The following DSC3 variants were observed in gnomAD, a reference collection of about 807,000 sequenced individuals.
DSC3 encodes the protein desmocollin 3, also known as desmocollin-3.
In DSC3, 97 loss-of-function variants were observed where a neutral mutation model predicts 89.5. That is an observed-to-expected ratio of 1.08 (90% CI 0.92 to 1.28). The LOEUF (loss-of-function observed/expected upper bound fraction) is 1.28. Among genes scored for constraint, DSC3 ranks in the 50% most tolerant of loss-of-function variants. DSC3 has a pLI of 0.00. For synonymous variants in DSC3, 436 were observed against 384.1 expected, an observed-to-expected ratio of 1.14 and a Z score of -1.58; for missense variants, 1,199 against 1,085.3, an observed-to-expected ratio of 1.10 and a Z score of -1.47.
chr18:31,004,063 A>C, intron 13 of DSC3, 79 bp downstream of exon 13: 1 of 1,126,770 alleles, frequency 8.9e-7, no homozygotes, highest in Non-Finnish European at 1.3e-6. Context: ...TGCTTGGACG[A>C]GATTATTTTT....
intron 14 of DSC3, among the ~76,000 whole-genome samples, chr18:30,999,688 C>T (rs1007031353): frequency 2.6e-5 from 4 of 152,130 alleles, no homozygotes; most frequent in African/African-American, 9.7e-5. Context: ...TTATCCATGT[C>T]AATAATTTCT....
chr18:31,007,225 T>A, intron 11 of DSC3, 94 bp from the exon 12 acceptor site: 1 of 828,526 alleles, frequency 1.2e-6, no homozygotes, highest in East Asian at 2.7e-5. Flanking sequence ...ACATGATCTG[T>A]TTTTAAATAA....
intron 6 of DSC3, among the ~76,000 whole-genome samples, chr18:31,023,529 G>A (rs922258035): frequency 3.9e-5 from 6 of 151,966 alleles, no homozygotes; most frequent in Non-Finnish European, 5.9e-5. Flanking sequence ...ATTGTACCAC[G>A]TGAGTAATAA....
At chr18:30,994,563 A>G (rs1359212192) in intron 15 of DSC3, 191 bp from the exon 16 acceptor site, 13 of 1,267,330 alleles carry the variant, frequency 1.0e-5, no homozygotes, top group Admixed American at 1.8e-5. Flanking sequence ...TATAGTTTAC[A>G]TTTCTAGTGC....
At chr18:31,021,995 A>G (rs74843312) in intron 7 of DSC3, among the ~76,000 whole-genome samples, 2,561 of 152,198 alleles carry the variant, frequency 0.017, 85 homozygotes, top group African/African-American at 0.058. Context: ...GGCATGATCC[A>G]CACTCATAGA....
Position 30,989,517 on chromosome 18 carries a change from C to A in DSC3, c.*4658G>T, listed in dbSNP as rs1032091011. Among the ~76,000 whole-genome samples, 1 of 152,076 alleles carries A rather than the reference C, an allele frequency of 6.6e-6. No homozygotes were observed. The highest frequency in any genetic ancestry group is 1.5e-5 in the Non-Finnish European group (1 of 68,020). Reference sequence around the variant, plus strand: ...TTGGGGTGATGAAAATGTTCCAGAACTAGATAGTGGTAACAGTTTCACAAC... The same window carrying A: ...TTGGGGTGATGAAAATGTTCCAGAAATAGATAGTGGTAACAGTTTCACAAC... On this transcript the variant is annotated 3_prime_UTR_variant, in exon 16 of 16. Transcript: ENST00000360428.
Position 31,018,762 on chromosome 18 carries a change from G to A in DSC3, c.981C>T (p.Asp327=). Residue 327 remains aspartate, a synonymous_variant, in exon 8 of 16, where the codon GAC becomes GAT. Coordinates refer to ENST00000360428, the MANE Select transcript of DSC3 (RefSeq NM_001941.5). The stretch of plus-strand genomic sequence containing the variant: ...TCAATCCAAAAAACTGGCCATCCAT[G>A]TCTTGTACTTTCATTATCAATGAGT... ...DKYSLIMKVQ[D]MDGQFFGLIG... 1.2e-6 allele frequency: 2 copies of A among 1,613,790 alleles called. No homozygotes were observed. Among genetic ancestry groups the A allele is most frequent in the East Asian group, 2.2e-5 (1 of 44,826 alleles).
intron 14 of DSC3, among the ~76,000 whole-genome samples, chr18:30,998,478 T>G (rs1293702355): frequency 6.6e-6 from 1 of 152,096 alleles, no homozygotes; most frequent in Admixed American, 6.6e-5. Context: ...TATATGAATA[T>G]GCGGATTTGG....
Position 30,999,010 on chromosome 18 carries a change from CAAAG to C in DSC3, c.2236-1966_2236-1963del, listed in dbSNP as rs572984819. ...AGATGTGGAGGGAACTAGAGGATGACAAAGAGTCAAGGAAATGCTTTAAAATGAA... is the reference window on the plus strand; with the variant it reads ...AGATGTGGAGGGAACTAGAGGATGACAGTCAAGGAAATGCTTTAAAATGAA... On this transcript the variant is annotated intron_variant, in intron 14 of 15. Transcript: ENST00000360428. Among the ~76,000 whole-genome samples, 170 of 152,188 alleles carry C rather than the reference CAAAG, an allele frequency of 1.1e-3. 1 individual carries two copies. The highest frequency in any genetic ancestry group is 4.0e-3 in the African/African-American group (166 of 41,528).
In DSC3 at chr18:31,001,901, TA is replaced by T. The variant is rs1428805491; in HGVS notation, c.2114-163del. Among the ~76,000 whole-genome samples, 9 of 152,282 alleles carry T rather than the reference TA, an allele frequency of 5.9e-5. No homozygotes were observed. In the East Asian group the frequency reaches 7.7e-4, roughly 13 times the overall value. On this transcript the variant is annotated intron_variant, in intron 13 of 15. Transcript: ENST00000360428. ...TGTTCTAAGTTAACATGTCACCAGA[TA>T]GCTTAGGTTTTAGAATCAGAAGCAA...
At chr18:31,030,512 G>A (rs1985747814) in intron 3 of DSC3, among the ~76,000 whole-genome samples, 1 of 152,140 alleles carries the variant, frequency 6.6e-6, no homozygotes, top group Non-Finnish European at 1.5e-5. Context: ...TTCTATAATA[G>A]AGGGATAACC....
Position 31,038,962 on chromosome 18 carries a change from A to C in DSC3, c.69+3630T>G, listed in dbSNP as rs1046809487. Reference sequence around the variant, plus strand: ...TGAAACTATGAAGTCATTTGATATTATGTTTTTGTGAGGTTTGGATGCCTT... The same window carrying C: ...TGAAACTATGAAGTCATTTGATATTCTGTTTTTGTGAGGTTTGGATGCCTT... On this transcript the variant is annotated intron_variant, in intron 1 of 15. Coordinates refer to ENST00000360428, the MANE Select transcript of DSC3 (RefSeq NM_001941.5). Among the ~76,000 whole-genome samples, 13 of 152,174 alleles carry C rather than the reference A, an allele frequency of 8.5e-5. No individual in the cohort carries two copies. In the East Asian group the frequency reaches 2.5e-3, roughly 29 times the overall value.
chr18:31,007,873 G>T, intron 11 of DSC3, 143 bp downstream of exon 11: 1 of 793,408 alleles, frequency 1.3e-6, no homozygotes, highest in Non-Finnish European at 2.0e-6. Context: ...CACCTTGTTA[G>T]ATAATTAAGA....
chr18:31,015,630 G>A (rs1294925759), intron 9 of DSC3, among the ~76,000 whole-genome samples: 1 of 152,148 alleles, frequency 6.6e-6, no homozygotes, highest in Admixed American at 6.5e-5. Flanking sequence ...TAACAATAAT[G>A]ATAGAGTTTC....
At chr18:31,006,872 T>C in intron 12 of DSC3, 35 bp downstream of exon 12, 1 of 1,494,512 alleles carries the variant, frequency 6.7e-7, no homozygotes, top group Non-Finnish European at 9.2e-7. Flanking sequence ...TTCTGTTATT[T>C]CAGAGTTTAT....
intron 9 of DSC3, 61 bp downstream of exon 9, chr18:31,018,010 T>G: frequency 1.4e-6 from 2 of 1,417,376 alleles, no homozygotes; most frequent in Non-Finnish European, 2.0e-6. Context: ...TTTAGTTGAT[T>G]AAATTATTAG....
Position 31,018,792 on chromosome 18 carries a change from G to A in DSC3, c.951C>T (p.Asp317=). 6.2e-7 allele frequency: 1 copy of A among 1,613,580 alleles called. No homozygotes were observed. Among genetic ancestry groups the A allele is most frequent in the Non-Finnish European group, 8.5e-7 (1 of 1,179,874 alleles). ...VSHYLDREVV[D]KYSLIMKVQD... is the part of the protein sequence containing the mutation. ...GTACTTTCATTATCAATGAGTACTT[G>A]TCTACAACCTGGAAACAAAGCAAAT... The change falls in exon 8 of 16, where the codon GAC becomes GAT. Residue 317 remains aspartate (D), a synonymous_variant. Coordinates refer to ENST00000360428, the MANE Select transcript of DSC3 (RefSeq NM_001941.5).
chr18:31,001,089 G>GTGTGTATATATATATATA (rs141615987), intron 14 of DSC3, among the ~76,000 whole-genome samples: 52 of 126,032 alleles, frequency 4.1e-4, no homozygotes, highest in East Asian at 3.3e-3. Flanking sequence ...TTGTGTGTGT[G>GTGTGTATATATATATATA]TATATATATA....
At chr18:31,009,680 C>T (rs1337985204) in intron 9 of DSC3, among the ~76,000 whole-genome samples, 1 of 152,212 alleles carries the variant, frequency 6.6e-6, no homozygotes, top group Non-Finnish European at 1.5e-5. Flanking sequence ...ACTACTCTAA[C>T]AGTGAAAATA....
Sources: gnomAD v4.1 joint callset for allele counts (sites outside exome capture counted in the v4.1 genomes callset) on GRCh38, gnomAD v4.1.1 for gene constraint, MANE v1.5 for transcripts, NCBI Gene and HGNC (gene_info 2026-07-23, HGNC 2026-07-21) for gene names.